Variants in ACSM3 observed in about 807,000 individuals in gnomAD.
ACSM3 encodes the protein acyl-coenzyme A synthetase ACSM3, mitochondrial.
In ACSM3, 61 loss-of-function variants were observed where a neutral mutation model predicts 74.1. The ratio of observed to expected loss-of-function variants is 0.82; its 90% CI spans 0.67 to 1.02. The LOEUF is 1.02. ACSM3 is among the 50% of genes least tolerant of loss of function. The pLI is 0.00. For synonymous variants in ACSM3, 213 were observed against 241.5 expected, an observed-to-expected ratio of 0.88 and a Z score of 1.09; for missense variants, 660 against 697.0, an observed-to-expected ratio of 0.95 and a Z score of 0.60.
chr16:20,714,447 T>G (rs574312465), intron 1 of ACSM3, among the ~76,000 whole-genome samples: 10 of 152,284 alleles, frequency 6.6e-5, no homozygotes, highest in Non-Finnish European at 1.2e-4. Context: ...AATAGATTTA[T>G]CTGGCAGCTA....
intron 1 of ACSM3, among the ~76,000 whole-genome samples, chr16:20,691,910 A>G (rs1174267894): frequency 6.6e-6 from 1 of 151,922 alleles, no homozygotes; most frequent in Non-Finnish European, 1.5e-5. Context: ...CAGCCCCCCT[A>G]CAGGCGAGAA....
rs1264808236 is a variant in ACSM3 at position 20,777,388 on chromosome 16, C to T, written c.446C>T (p.Pro149Leu). 3 of 1,613,670 alleles carry T rather than the reference C, an allele frequency of 1.9e-6. No individual in the cohort carries two copies. The highest frequency in any genetic ancestry group is 3.3e-5 in the Admixed American group (2 of 59,994). Residue 149 changes from proline to leucine, a missense_variant, in exon 4 of 14, where the codon CCA (proline) becomes CTA (leucine). By Grantham distance (98) the Pro-to-Leu change is moderately conservative (BLOSUM62 -3). Coordinates refer to ENST00000289416, the MANE Select transcript of ACSM3 (RefSeq NM_005622.4). ...ACLRTGTVLIPGTTQLTQKDI... is the reference protein window; with the variant it reads ...ACLRTGTVLILGTTQLTQKDI... Reference sequence around the variant, plus strand: ...GCCCCTTTAGGGACAGTTTTAATTCCAGGAACCACTCAGCTGACCCAGAAA... The same window carrying T: ...GCCCCTTTAGGGACAGTTTTAATTCTAGGAACCACTCAGCTGACCCAGAAA...
At chr16:20,712,443 G>C (rs2079746835) in intron 1 of ACSM3, among the ~76,000 whole-genome samples, 1 of 152,054 alleles carries the variant, frequency 6.6e-6, no homozygotes, top group Non-Finnish European at 1.5e-5. Context: ...CACAACTACA[G>C]TTTTCTTCAT....
chr16:20,737,618 G>A (rs1311934466), intron 1 of ACSM3: 2 of 1,318,038 alleles, frequency 1.5e-6, no homozygotes, highest in Non-Finnish European at 1.0e-6. Flanking sequence ...ACTCAAAAAT[G>A]TAAGCCTTAA....
At chr16:20,717,784 T>A (rs1239109004) in intron 1 of ACSM3, among the ~76,000 whole-genome samples, 1 of 151,504 alleles carries the variant, frequency 6.6e-6, no homozygotes, top group Admixed American at 6.6e-5. Flanking sequence ...GCTATTTATT[T>A]AGGCTATAGG....
Position 20,796,473 on chromosome 16 carries a change from AC to A in ACSM3, c.1659del (p.Tyr553Ter). On this transcript the variant is annotated frameshift_variant, in exon 13 of 14. Coordinates refer to ENST00000289416, the MANE Select transcript of ACSM3 (RefSeq NM_005622.4). LOFTEE classifies it high-confidence loss of function. ...QEHVKKTTAP[Y>X]KYPRKVEFIQ... ...CATGTTAAAAAAACTACAGCACCTTACAAATATCCCAGAAAGGTAGGCATCC... is the reference window on the plus strand; with the variant it reads ...CATGTTAAAAAAACTACAGCACCTTAAAATATCCCAGAAAGGTAGGCATCC... 1 of 1,613,026 alleles carries A rather than the reference AC, an allele frequency of 6.2e-7. No homozygotes were observed. Among genetic ancestry groups the A allele is most frequent in the South Asian group, 1.1e-5 (1 of 90,812 alleles).
chr16:20,695,966 A>G (rs56954295), intron 1 of ACSM3, among the ~76,000 whole-genome samples: 2,838 of 152,338 alleles, frequency 0.019, 81 homozygotes, highest in African/African-American at 0.064. Context: ...GATGGATCAC[A>G]TATACAGAGT....
intron 1 of ACSM3, among the ~76,000 whole-genome samples, chr16:20,767,468 G>C (rs2080139408): frequency 7.9e-5 from 1 of 12,604 alleles, no homozygotes; most frequent in African/African-American, 2.6e-4. Flanking sequence ...AGTGAGCCGA[G>C]ATCGCGCCAC....
chr16:20,737,031 T>G (rs1274236447), intron 1 of ACSM3: 1 of 1,614,222 alleles, frequency 6.2e-7, no homozygotes, highest in Non-Finnish European at 8.5e-7. Context: ...CTGGTTATTT[T>G]TTCCTTCTGC....
At chr16:20,731,226 T>A (rs149825473) in intron 1 of ACSM3, among the ~76,000 whole-genome samples, 1 of 152,154 alleles carries the variant, frequency 6.6e-6, no homozygotes, top group African/African-American at 2.4e-5. Context: ...CTCTTCAAAC[T>A]CCCTTGAAAC....
chr16:20,717,957 GA>G (rs1300069534), intron 1 of ACSM3, among the ~76,000 whole-genome samples: 4 of 21,194 alleles, frequency 1.9e-4, no homozygotes, highest in East Asian at 2.1e-3. Flanking sequence ...AGAGGAAGAG[GA>G]AGAAGAAGAA....
At chr16:20,769,404 G>A (rs1021528083) in intron 1 of ACSM3, among the ~76,000 whole-genome samples, 1 of 152,172 alleles carries the variant, frequency 6.6e-6, no homozygotes, top group African/African-American at 2.4e-5. Context: ...AAAGTAGTAT[G>A]GGCCCCTATT....
chr16:20,752,176 C>T (rs1044606852), intron 2 of ACSM3, among the ~76,000 whole-genome samples: 3 of 151,864 alleles, frequency 2.0e-5, no homozygotes, highest in South Asian at 2.1e-4. Flanking sequence ...GGCGACAGAG[C>T]GAGACTCTGT....
chr16:20,756,639 T>C (rs1246093859), intron 3 of ACSM3, among the ~76,000 whole-genome samples: 2 of 152,250 alleles, frequency 1.3e-5, no homozygotes, highest in African/African-American at 2.4e-5. Flanking sequence ...TTTAGTTTAA[T>C]TAGATCCCAT....
At position 20,727,453 on chromosome 16, in the gene ACSM3, G is replaced by A. The variant is rs528002852; in HGVS notation, c.-189-22457G>A. On this transcript the variant is annotated intron_variant, in intron 1 of 3. Transcript: ENST00000561584. ...GGGCTGGAGCTACATGAGAGCTATG[G>A]ACAGACGGAAGTGGTATATTTAAAG... 3.0e-5 allele frequency: 15 copies of A among 492,654 alleles called. No homozygotes were observed. The Middle Eastern group carries it at 1.4e-3, about 46-fold the overall frequency. The allele number at this position is 492,654 out of a possible 1,614,324, so 30.5% of individuals were successfully genotyped here.
rs1470579764 is a variant in ACSM3 at position 20,758,470 on chromosome 16, C to T, written c.-52+2854C>T. ...ATGGTAGTTTGTATTTCTGTGGGAT[C>T]GGTGGTGATATCCCCTTTATCATTT... is the stretch of plus-strand genomic sequence containing the variant. On this transcript the variant is annotated intron_variant, in intron 3 of 3. Coordinates refer to the ACSM3 transcript ENST00000561584. 4.6e-3 allele frequency among the ~76,000 whole-genome samples: 694 copies of T among 151,850 alleles called. 6 individuals carry two copies. Among genetic ancestry groups the T allele is most frequent in the African/African-American group, 0.015 (639 of 41,440 alleles).
chr16:20,684,610 T>C (rs1447449248), intron 1 of ACSM3, among the ~76,000 whole-genome samples: 1 of 152,226 alleles, frequency 6.6e-6, no homozygotes, highest in East Asian at 1.9e-4. Context: ...TTCAAAAATG[T>C]CACTGTCATG....
At chr16:20,741,708 G>T in intron 1 of ACSM3, 1 of 1,577,994 alleles carries the variant, frequency 6.3e-7, no homozygotes, top group East Asian at 2.3e-5. Context: ...CCCGCCGCCA[G>T]GCTGAGTAGT....
chr16:20,716,140 G>A (rs1044146221), intron 1 of ACSM3, among the ~76,000 whole-genome samples: 10 of 152,202 alleles, frequency 6.6e-5, no homozygotes, highest in African/African-American at 2.4e-4. Context: ...AGCAAGTCAT[G>A]GGACCACCCC....
Sources: allele counts gnomAD v4.1 joint callset (sites outside exome capture counted in the v4.1 genomes callset), GRCh38; gene constraint gnomAD v4.1.1; transcripts MANE v1.5; gene names NCBI Gene and HGNC (gene_info 2026-07-23, HGNC 2026-07-21).